The following GHR variants were observed in gnomAD, a reference collection of about 807,000 sequenced individuals.
The protein encoded by GHR is growth hormone receptor.
GHR carries 35 observed loss-of-function variants against 67.1 expected under a neutral mutation model. That is an observed-to-expected ratio of 0.52 (90% confidence interval 0.40 to 0.69). The LOEUF is 0.69. GHR is among the 30% of genes least tolerant of loss of function. The pLI, the probability that GHR is intolerant of heterozygous loss-of-function variation, is 0.00. For synonymous variants in GHR, 272 were observed against 269.1 expected (o/e 1.01, Z -0.10); for missense variants, 792 against 764.6 (o/e 1.04, Z -0.42).
intron 6 of GHR, among the ~76,000 whole-genome samples, chr5:42,710,577 T>C (rs1442668370): frequency 6.6e-6 from 1 of 152,030 alleles, no homozygotes; most frequent in African/African-American, 2.4e-5. Flanking sequence ...AGAACTCCGG[T>C]GACTTTTCTT....
chr5:42,711,181 T>C (rs778415925), intron 6 of GHR, 26 bp from the exon 7 acceptor site: 4 of 1,590,374 alleles, frequency 2.5e-6, no homozygotes, highest in Non-Finnish European at 3.5e-6. Context: ...CTTTGGCCAA[T>C]ATGCGTTTAT....
rs1005483542 is a variant in GHR at position 42,720,411 on chromosome 5, A to G, written c.*987A>G. ...CTGACCAAGATACTTAAGTGCTGCAATTGCACGCGGAGTGAGTTTTTTAGT... is the reference window on the plus strand; with the variant it reads ...CTGACCAAGATACTTAAGTGCTGCAGTTGCACGCGGAGTGAGTTTTTTAGT... On this transcript the variant is annotated 3_prime_UTR_variant, in exon 10 of 10. Transcript: ENST00000230882. The G allele has an allele frequency of 2.0e-5, 3 of 152,190 alleles. No individual in the cohort carries two copies. Among genetic ancestry groups the G allele is most frequent in the East Asian group, 1.9e-4 (1 of 5,196 alleles). The allele number at this position is 152,190 out of a possible 1,614,324, so 9.4% of individuals were successfully genotyped here.
At position 42,463,992 on chromosome 5, in the gene GHR, CAAAAAAAAAAAAA is replaced by C. The variant is rs70991406; in HGVS notation, c.-12+40049_-12+40061del. 1.2e-3 allele frequency among the ~76,000 whole-genome samples: 54 copies of C among 46,518 alleles called. 1 individual carries two copies. The South Asian group carries it at 0.045, about 39-fold the overall frequency. The allele number at this position is 46,518 out of a possible 152,430, so 30.5% of individuals were successfully genotyped here. A position where few individuals can be genotyped will look rare whatever the true frequency, so the allele number is the denominator to read the frequency against. On this transcript the variant is annotated intron_variant, in intron 1 of 9. Coordinates refer to ENST00000230882, the MANE Select transcript of GHR (RefSeq NM_000163.5). ...TGGGCGACAGAGCGAGACTCCGTCTCAAAAAAAAAAAAAAAAAAAAAAAAGAAAAAGAAATAAT... is the reference window on the plus strand; with the variant it reads ...TGGGCGACAGAGCGAGACTCCGTCTCAAAAAAAAAAAGAAAAAGAAATAAT...
chr5:42,680,824 T>G (rs1030624990), intron 3 of GHR, among the ~76,000 whole-genome samples: 6 of 149,564 alleles, frequency 4.0e-5, no homozygotes, highest in Non-Finnish European at 8.9e-5. Context: ...ATTTTTTGAT[T>G]GAATGCTTAA....
intron 3 of GHR, among the ~76,000 whole-genome samples, chr5:42,661,480 C>T (rs1436530170): frequency 6.6e-6 from 1 of 152,134 alleles, no homozygotes; most frequent in Non-Finnish European, 1.5e-5. Flanking sequence ...ATTTTCAACC[C>T]AGAATTTCAT....
Position 42,424,948 on chromosome 5 carries a change from T to A in GHR, c.-12+993T>A, listed in dbSNP as rs568245267. ...GCGCCTGGGGAGGCGTGTCGGCGCC[T>A]GAGCCAGTAGGGTGTGCAGGGTGGA... On this transcript the variant is annotated intron_variant, in intron 1 of 9. Coordinates refer to ENST00000230882, the MANE Select transcript of GHR (RefSeq NM_000163.5). The surrounding 1 kb of genome is among the most constrained non-coding windows in gnomAD (Gnocchi z 4.1). The A allele has an allele frequency of 1.0e-6, 1 of 971,542 alleles. No individual in the cohort carries two copies. Among genetic ancestry groups the A allele is most frequent in the Admixed American group, 6.1e-5 (1 of 16,270 alleles). The allele number at this position is 971,542 out of a possible 1,614,324, so 60.2% of individuals were successfully genotyped here. A position where few individuals can be genotyped will look rare whatever the true frequency, so the allele number is the denominator to read the frequency against.
chr5:42,619,410 T>C (rs1753327705), intron 2 of GHR, among the ~76,000 whole-genome samples: 1 of 152,086 alleles, frequency 6.6e-6, no homozygotes, highest in Admixed American at 6.6e-5. Flanking sequence ...AACATCTGTG[T>C]GGCTCATTAC....
intron 1 of GHR, among the ~76,000 whole-genome samples, chr5:42,521,453 C>A (rs997193270): frequency 2.0e-5 from 3 of 152,158 alleles, no homozygotes; most frequent in African/African-American, 7.2e-5. Context: ...ATTTCTTATT[C>A]TAGGCCTTTC....
intron 1 of GHR, among the ~76,000 whole-genome samples, chr5:42,521,701 G>A (rs932973121): frequency 6.6e-6 from 1 of 152,118 alleles, no homozygotes; most frequent in Admixed American, 6.5e-5. Flanking sequence ...TTGCTTTGCT[G>A]GGATTACTTA....
intron 1 of GHR, among the ~76,000 whole-genome samples, chr5:42,484,573 G>A (rs1441082182): frequency 6.6e-6 from 1 of 152,190 alleles, no homozygotes; most frequent in Non-Finnish European, 1.5e-5. Context: ...TGTCTTCAGT[G>A]TGACCATGCT....
chr5:42,531,094 C>T (rs1320018320), intron 1 of GHR, among the ~76,000 whole-genome samples: 1 of 151,828 alleles, frequency 6.6e-6, no homozygotes, highest in African/African-American at 2.4e-5. Flanking sequence ...ACAGTGAAAC[C>T]CCATCTCTAC....
chr5:42,480,097 T>C (rs1370930780), intron 1 of GHR, among the ~76,000 whole-genome samples: 2 of 152,270 alleles, frequency 1.3e-5, no homozygotes, highest in African/African-American at 2.4e-5. Flanking sequence ...TCTTTGTTCT[T>C]GTTGCTTTCA....
At chr5:42,717,030 A>G (rs1022979370) in intron 8 of GHR, among the ~76,000 whole-genome samples, 10 of 152,258 alleles carry the variant, frequency 6.6e-5, no homozygotes, top group African/African-American at 2.4e-4. Context: ...TCCAGGCCAG[A>G]TACAATGGCT....
intron 1 of GHR, among the ~76,000 whole-genome samples, chr5:42,537,835 C>A (rs1456045517): frequency 6.6e-6 from 1 of 152,118 alleles, no homozygotes; most frequent in African/African-American, 2.4e-5. Context: ...AATTTGGAAC[C>A]TCCAGTGTTA....
chr5:42,483,592 A>C (rs954459270), intron 1 of GHR, among the ~76,000 whole-genome samples: 3 of 152,136 alleles, frequency 2.0e-5, no homozygotes, highest in African/African-American at 7.2e-5. Flanking sequence ...GAAGTCATGT[A>C]TGTTATCAAC....
Position 42,680,513 on chromosome 5 carries a change from T to C in GHR, c.137-8377T>C, listed in dbSNP as rs189412526. ...ATTAATTATAAACATTGCAAAACAC[T>C]TTTTTTTTTAGACAGAGTCTCACTA... On this transcript the variant is annotated intron_variant, in intron 3 of 9. Transcript: ENST00000230882. 3.7e-3 allele frequency among the ~76,000 whole-genome samples: 547 copies of C among 147,898 alleles called. 3 individuals carry two copies. The highest frequency in any genetic ancestry group is 0.012 in the African/African-American group (495 of 40,370).
At chr5:42,700,624 G>A (rs1036180088) in intron 6 of GHR, among the ~76,000 whole-genome samples, 4 of 152,112 alleles carry the variant, frequency 2.6e-5, no homozygotes, top group African/African-American at 9.7e-5. Context: ...CACATAACAA[G>A]AGGAAAAACA....
At chr5:42,710,816 T>C (rs1222380903) in intron 6 of GHR, among the ~76,000 whole-genome samples, 3 of 152,184 alleles carry the variant, frequency 2.0e-5, no homozygotes, top group Admixed American at 2.0e-4. Context: ...TGTGAAAACA[T>C]GTTTGCTTTT....
intron 2 of GHR, among the ~76,000 whole-genome samples, chr5:42,576,113 T>TAAAA (rs1299395786): frequency 1.2e-5 from 1 of 81,204 alleles, no homozygotes; most frequent in South Asian, 3.7e-4. Context: ...TAAAATAAAA[T>TAAAA]AAAATAAAAT....
Sources: allele counts gnomAD v4.1 joint callset (sites outside exome capture counted in the v4.1 genomes callset), GRCh38; gene constraint gnomAD v4.1.1; non-coding constraint Gnocchi (gnomAD v3.1); transcripts MANE v1.5; gene names NCBI Gene and HGNC (gene_info 2026-07-23, HGNC 2026-07-21).